The following PRKCA variants were observed in gnomAD, a reference collection of about 807,000 sequenced individuals.
PRKCA encodes the protein protein kinase C alpha.
A neutral mutation model predicts 87.0 loss-of-function variants in PRKCA; 27 were observed. The observed-to-expected ratio is 0.31, with a 90% CI of 0.23 to 0.43. The LOEUF (loss-of-function observed/expected upper bound fraction) is 0.43, where lower values mean the gene tolerates loss of function less well. Among genes scored for constraint, PRKCA ranks in the 20% least tolerant of loss-of-function variants. The probability of loss-of-function intolerance (pLI) is 1.00; values close to 1 mark genes in which losing one functional copy is unlikely to be tolerated. For synonymous variants in PRKCA, 329 were observed against 311.1 expected (o/e 1.06, Z -0.61); for missense variants, 518 against 852.3 (o/e 0.61, Z 4.88).
chr17:66,368,384 A>ATTTT (rs1269947105), intron 2 of PRKCA, among the ~76,000 whole-genome samples: 43 of 26,998 alleles, frequency 1.6e-3, no homozygotes, highest in East Asian at 3.2e-3. Context: ...ATATATATAT[A>ATTTT]TATTTTTTTT....
intron 2 of PRKCA, among the ~76,000 whole-genome samples, chr17:66,314,975 G>GTGTATGTA (rs553304309): frequency 1.3e-5 from 2 of 151,694 alleles, no homozygotes; most frequent in Non-Finnish European, 2.9e-5. Context: ...GTATATATGT[G>GTGTATGTA]TGTATGTATG....
chr17:66,755,290 G>T (rs190762993), intron 13 of PRKCA, among the ~76,000 whole-genome samples: 2 of 152,320 alleles, frequency 1.3e-5, no homozygotes, highest in East Asian at 3.9e-4. Flanking sequence ...TGGGGTGGCG[G>T]TGGGGAGAAC....
In PRKCA at chr17:66,690,484, GT is replaced by G. The variant is rs1298602008; in HGVS notation, c.918+1442del. On this transcript the variant is annotated intron_variant, in intron 8 of 16. Transcript: ENST00000413366. The stretch of plus-strand genomic sequence containing the variant: ...TCTTCCAGAGAAGCCAGAAATCCAG[GT>G]TTTTATATGATACATTCTGATTTAT... Among the ~76,000 whole-genome samples, 3 of 152,262 alleles carry G rather than the reference GT, an allele frequency of 2.0e-5. No homozygotes were observed. The South Asian group carries it at 6.2e-4, about 32-fold the overall frequency.
At chr17:66,696,674 A>G (rs912939081) in intron 8 of PRKCA, among the ~76,000 whole-genome samples, 1 of 152,260 alleles carries the variant, frequency 6.6e-6, no homozygotes, top group Non-Finnish European at 1.5e-5. Context: ...AGCATTAGAA[A>G]TTGTTATCAA....
chr17:66,688,469 A>T (rs1972689522), intron 7 of PRKCA, 33 bp downstream of exon 7: 1 of 1,613,410 alleles, frequency 6.2e-7, no homozygotes, highest in African/African-American at 1.3e-5. Flanking sequence ...GTATGTCTCA[A>T]AGCATCAGAC....
chr17:66,623,938 G>T (rs1730544933), intron 3 of PRKCA, among the ~76,000 whole-genome samples: 1 of 152,172 alleles, frequency 6.6e-6, no homozygotes, highest in Admixed American at 6.5e-5. Context: ...GAGAAGAGGT[G>T]AAGAGAGGGG....
At chr17:66,579,093 TCAGTACA>T (rs1969336812) in intron 3 of PRKCA, among the ~76,000 whole-genome samples, 2 of 152,174 alleles carry the variant, frequency 1.3e-5, no homozygotes, top group South Asian at 4.1e-4. Context: ...CGTTCCCTAG[TCAGTACA>T]CAGTCAGCCC....
At chr17:66,743,143 A>G (rs1412387933) in intron 13 of PRKCA, among the ~76,000 whole-genome samples, 2 of 152,214 alleles carry the variant, frequency 1.3e-5, no homozygotes, top group Non-Finnish European at 2.9e-5. Context: ...AGCCTGGCCA[A>G]CGTGGTGAAA....
At chr17:66,779,628 A>G (rs554032840) in intron 14 of PRKCA, among the ~76,000 whole-genome samples, 1 of 152,298 alleles carries the variant, frequency 6.6e-6, no homozygotes, top group Non-Finnish European at 1.5e-5. Context: ...CTGAGATCAC[A>G]CCAGTGCAGT....
chr17:66,427,093 G>A (rs1005370724), intron 2 of PRKCA, among the ~76,000 whole-genome samples: 18 of 152,078 alleles, frequency 1.2e-4, no homozygotes, highest in African/African-American at 4.3e-4. Context: ...GCATAGTGGT[G>A]CAGTCTTGGC....
At chr17:66,311,722 A>C (rs1015711376) in intron 2 of PRKCA, among the ~76,000 whole-genome samples, 15 of 152,312 alleles carry the variant, frequency 9.8e-5, no homozygotes, top group African/African-American at 3.4e-4. Flanking sequence ...GTTAGATAAA[A>C]CTAGTGTTGA....
At chr17:66,357,257 G>A (rs550621691) in intron 2 of PRKCA, among the ~76,000 whole-genome samples, 2 of 152,256 alleles carry the variant, frequency 1.3e-5, no homozygotes, top group African/African-American at 2.4e-5. Flanking sequence ...TGGGTGGTGG[G>A]GGAGGGCACT....
chr17:66,447,048 C>G (rs998194911), intron 2 of PRKCA, among the ~76,000 whole-genome samples: 8 of 152,158 alleles, frequency 5.3e-5, no homozygotes, highest in African/African-American at 1.9e-4. Context: ...AGTAGTTTAG[C>G]ATAGTTCCGG....
chr17:66,383,809 C>T (rs953304389), intron 2 of PRKCA, among the ~76,000 whole-genome samples: 2 of 151,822 alleles, frequency 1.3e-5, no homozygotes, highest in Admixed American at 6.6e-5. Flanking sequence ...AAAAATTAGC[C>T]GGGTGTGGTG....
intron 3 of PRKCA, among the ~76,000 whole-genome samples, chr17:66,608,076 G>A (rs1263578063): frequency 6.6e-6 from 1 of 151,684 alleles, no homozygotes; most frequent in Non-Finnish European, 1.5e-5. Context: ...GTCGTCTGCT[G>A]GTCTTGGAAT....
At chr17:66,392,082 T>C (rs1910392903) in intron 2 of PRKCA, among the ~76,000 whole-genome samples, 1 of 151,818 alleles carries the variant, frequency 6.6e-6, no homozygotes, top group Non-Finnish European at 1.5e-5. Flanking sequence ...TACAAAAAAT[T>C]AGCCGGGTGT....
intron 14 of PRKCA, among the ~76,000 whole-genome samples, chr17:66,786,312 C>A (rs1975391785): frequency 6.6e-6 from 1 of 152,168 alleles, no homozygotes. Context: ...GGGAGGAGTC[C>A]AATGGAAGCT....
intron 8 of PRKCA, among the ~76,000 whole-genome samples, chr17:66,729,178 G>A (rs935578746): frequency 2.0e-5 from 3 of 152,192 alleles, no homozygotes; most frequent in Admixed American, 6.5e-5. Flanking sequence ...TTGGGAGGCC[G>A]AGGCAGATGG....
At chr17:66,686,681 C>T (rs911374992) in intron 5 of PRKCA, among the ~76,000 whole-genome samples, 19 of 152,218 alleles carry the variant, frequency 1.2e-4, no homozygotes, top group Middle Eastern at 3.4e-3. Context: ...AGCTCAGGTG[C>T]GTGTGTGGCA....
Sources: gnomAD v4.1 joint callset for allele counts (sites outside exome capture counted in the v4.1 genomes callset) on GRCh38, gnomAD v4.1.1 for gene constraint, MANE v1.5 for transcripts, NCBI Gene and HGNC (gene_info 2026-07-23, HGNC 2026-07-21) for gene names.